Variants in NMD3 observed in about 807,000 individuals in gnomAD.
NMD3 encodes NMD3 ribosome export adaptor, also known as 60S ribosomal export protein NMD3.
A neutral mutation model predicts 73.1 loss-of-function variants in NMD3; 47 were observed. The observed-to-expected ratio is 0.64, with a 90% CI of 0.51 to 0.82. The LOEUF is 0.82. Ranked by LOEUF, NMD3 falls within the 40% of genes least tolerant of loss-of-function variation. The pLI is 0.00. For synonymous variants in NMD3, 210 were observed against 194.5 expected (o/e 1.08, Z -0.66); for missense variants, 554 against 612.5 (o/e 0.90, Z 1.01).
At chr3:161,238,677 A>G (rs1736859185) in intron 8 of NMD3, 53 bp from the exon 9 acceptor site, 3 of 863,986 alleles carry the variant, frequency 3.5e-6, no homozygotes, top group East Asian at 4.9e-5. Context: ...TCCTGAGTCC[A>G]TACAGGTTAA....
intron 14 of NMD3, 39 bp from the exon 15 acceptor site, chr3:161,250,217 A>C (rs1179835375): frequency 1.8e-6 from 2 of 1,133,186 alleles, no homozygotes; most frequent in Non-Finnish European, 2.7e-6. Context: ...AAATATAACT[A>C]TATTTTTGGT....
In NMD3 at chr3:161,242,646, C is replaced by T; in HGVS notation, c.1010C>T (p.Ser337Leu). The stretch of plus-strand genomic sequence containing the variant: ...CGTGCTGCAGGTGCTGGAATGATAT[C>T]AAAAAAGGTAAGCTACATCCTGCCT... ...IKRAAGAGMI[S>L]KKHTLGEVWV... The change falls in exon 11 of 16, where the codon TCA becomes TTA. Residue 337 changes from serine (S) to leucine (L), a missense_variant. Coordinates refer to ENST00000351193, the MANE Select transcript of NMD3 (RefSeq NM_015938.5). The T allele has an allele frequency of 6.2e-7, 1 of 1,605,236 alleles. No homozygotes were observed.
chr3:161,237,538 C>CT (rs71628447), intron 7 of NMD3, among the ~76,000 whole-genome samples: 1,752 of 108,810 alleles, frequency 0.016, 52 homozygotes, highest in Admixed American at 0.069. Flanking sequence ...AAATAACTTT[C>CT]TTTTTTTTTT....
Position 161,242,945 on chromosome 3 carries a change from G to A in NMD3, c.1017+292G>A, listed in dbSNP as rs1349857330. 2.0e-5 allele frequency among the ~76,000 whole-genome samples: 3 copies of A among 152,028 alleles called. No homozygotes were observed. In the East Asian group the frequency reaches 5.8e-4, roughly 29 times the overall value. Reference sequence around the variant, plus strand: ...TTCTTTGCTTTATTTTTATAGAGGAGGACCTTTATTTTTGTAGTGGTTATC... The same window carrying A: ...TTCTTTGCTTTATTTTTATAGAGGAAGACCTTTATTTTTGTAGTGGTTATC... On this transcript the variant is annotated intron_variant, in intron 11 of 15. Transcript: ENST00000351193.
intron 4 of NMD3, among the ~76,000 whole-genome samples, chr3:161,230,017 CT>C (rs1736472303): frequency 6.6e-6 from 1 of 152,104 alleles, no homozygotes; most frequent in Non-Finnish European, 1.5e-5. Flanking sequence ...ATAGACAGTT[CT>C]TTTGAGATTT....
At chr3:161,243,173 A>T (rs1245443842) in intron 11 of NMD3, among the ~76,000 whole-genome samples, 1 of 152,162 alleles carries the variant, frequency 6.6e-6, no homozygotes, top group Admixed American at 6.5e-5. Flanking sequence ...ACCAAACTCT[A>T]TGTGTATTGT....
chr3:161,227,490 T>C, intron 4 of NMD3, 147 bp downstream of exon 4: 1 of 554,050 alleles, frequency 1.8e-6, no homozygotes, highest in South Asian at 2.2e-5. Flanking sequence ...TCACCTGGGC[T>C]AGGCTAGAGT....
intron 4 of NMD3, among the ~76,000 whole-genome samples, chr3:161,230,008 TAGAC>T (rs1316184731): frequency 2.0e-5 from 3 of 152,280 alleles, no homozygotes; most frequent in South Asian, 2.1e-4. Flanking sequence ...AGAAGGAAGA[TAGAC>T]AGTTCTTTTG....
intron 11 of NMD3, among the ~76,000 whole-genome samples, chr3:161,244,918 T>C (rs1737138965): frequency 6.6e-6 from 1 of 152,136 alleles, no homozygotes. Context: ...CATATTGCCC[T>C]AAATTTATTC....
intron 12 of NMD3, 29 bp downstream of exon 12, chr3:161,246,477 C>A: frequency 2.0e-6 from 2 of 1,015,822 alleles, no homozygotes; most frequent in Non-Finnish European, 2.9e-6. Flanking sequence ...TTTAAACTGC[C>A]AATTAGGATT....
chr3:161,221,814 C>G (rs1252727731), intron 1 of NMD3, 180 bp from the exon 2 acceptor site: 1 of 465,896 alleles, frequency 2.1e-6, no homozygotes, highest in Non-Finnish European at 3.8e-6. Context: ...TCTTAAAGTT[C>G]TTTTTAACGA....
intron 9 of NMD3, among the ~76,000 whole-genome samples, chr3:161,239,518 T>C (rs1736889984): frequency 6.6e-6 from 1 of 152,182 alleles, no homozygotes; most frequent in Non-Finnish European, 1.5e-5. Context: ...ATAAAGTTAA[T>C]CTAGATACTT....
Position 161,231,907 on chromosome 3 carries a change from C to T in NMD3, c.277-1492C>T, listed in dbSNP as rs555145709. Among the ~76,000 whole-genome samples the T allele has an allele frequency of 3.9e-5, 6 of 152,116 alleles. No homozygotes were observed. The East Asian group carries it at 1.2e-3, about 29-fold the overall frequency. On this transcript the variant is annotated intron_variant, in intron 4 of 15. Transcript: ENST00000351193. ...AGATGGGGACAGAATAGGGAATATGCATAACCATATGGAAATTGGAGTATG... is the reference window on the plus strand; with the variant it reads ...AGATGGGGACAGAATAGGGAATATGTATAACCATATGGAAATTGGAGTATG...
At chr3:161,227,667 T>G (rs781754717) in intron 4 of NMD3, among the ~76,000 whole-genome samples, 10 of 152,018 alleles carry the variant, frequency 6.6e-5, no homozygotes, top group Non-Finnish European at 1.2e-4. Context: ...CAGATTGGTC[T>G]CGAACTCCTG....
At position 161,225,066 on chromosome 3, in the gene NMD3, TACAGTGC is replaced by T; in HGVS notation, c.179+3_179+9del. ...TTCGTTCTGCAAACAATGTCAAAGG[TACAGTGC>T]GGTACAATTTTGCTCTTTTTAAAGT... On this transcript the variant is annotated splice_donor_5th_base_variant and intron_variant, in intron 3 of 15. Transcript: ENST00000351193. The T allele has an allele frequency of 6.2e-7, 1 of 1,605,494 alleles. No homozygotes were observed. The highest frequency in any genetic ancestry group is 8.5e-7 in the Non-Finnish European group (1 of 1,177,602).
In NMD3 at chr3:161,247,299, A is replaced by T. The variant is rs759070624; in HGVS notation, c.1172A>T (p.Asn391Ile). Residue 391 changes from asparagine (N) to isoleucine (I), a missense_variant, in exon 13 of 16, where the codon AAC becomes ATC. Coordinates refer to ENST00000351193, the MANE Select transcript of NMD3 (RefSeq NM_015938.5). The stretch of plus-strand genomic sequence containing the variant: ...TGTAACTTAAATGATGAGCATGTCA[A>T]CAAAATGAACTCAGATAGAGTTCCA... ...ANCNLNDEHV[N>I]KMNSDRVPDV... 5 of 1,612,080 alleles carry T rather than the reference A, an allele frequency of 3.1e-6. No homozygotes were observed. The Admixed American group carries it at 8.3e-5, about 27-fold the overall frequency.
Position 161,221,975 on chromosome 3 carries a change from T to TAAAAA in NMD3, c.-20-19_-20-18insAAAAA. 1 of 591,436 alleles carries TAAAAA rather than the reference T, an allele frequency of 1.7e-6. No homozygotes were observed. Among genetic ancestry groups the TAAAAA allele is most frequent in the Non-Finnish European group, 2.2e-6 (1 of 453,834 alleles). The allele number at this position is 591,436 out of a possible 1,614,324, so 36.6% of individuals were successfully genotyped here. A position where few individuals can be genotyped will look rare whatever the true frequency, so the allele number is the denominator to read the frequency against. On this transcript the variant is annotated intron_variant, in intron 1 of 15. Transcript: ENST00000351193. Reference sequence around the variant, plus strand: ...AACATTCTCTTTTTTTTTTTTTTTTTTTTTTTTTTTTTTAAAAGAACTTAA... The same window carrying TAAAAA: ...AACATTCTCTTTTTTTTTTTTTTTTTAAAAATTTTTTTTTTTTTAAAAGAACTTAA...
intron 2 of NMD3, among the ~76,000 whole-genome samples, chr3:161,223,308 T>C (rs1473379871): frequency 6.6e-6 from 1 of 152,220 alleles, no homozygotes. Context: ...CATGGAAGAT[T>C]ATTGAACTTT....
intron 7 of NMD3, among the ~76,000 whole-genome samples, chr3:161,237,769 C>T (rs1195386872): frequency 6.6e-6 from 1 of 151,914 alleles, no homozygotes; most frequent in Non-Finnish European, 1.5e-5. Flanking sequence ...ACCTCATGAT[C>T]CACCCAGCTC....
Sources: allele counts gnomAD v4.1 joint callset (sites outside exome capture counted in the v4.1 genomes callset), GRCh38; gene constraint gnomAD v4.1.1; transcripts MANE v1.5; gene names NCBI Gene and HGNC (gene_info 2026-07-23, HGNC 2026-07-21).